The following SORL1 variants were observed in gnomAD, a reference collection of about 807,000 sequenced individuals.
SORL1 encodes sortilin related receptor 1.
SORL1 carries 127 observed loss-of-function variants against 273.7 expected under a neutral mutation model. That is an observed-to-expected ratio of 0.46 (90% CI 0.40 to 0.54). The LOEUF (loss-of-function observed/expected upper bound fraction) is 0.54. Among genes scored for constraint, SORL1 ranks in the 20% least tolerant of loss-of-function variants. The pLI is 0.00. For missense variants in SORL1, 2,494 were observed against 2,846.1 expected, an observed-to-expected ratio of 0.88 and a Z score of 2.81; for synonymous variants, 1,031 against 1,067.4, an observed-to-expected ratio of 0.97 and a Z score of 0.66.
intron 21 of SORL1, 96 bp from the exon 22 acceptor site, chr11:121,566,844 G>A (rs1317992108): frequency 1.5e-4 from 185 of 1,200,206 alleles, no homozygotes; most frequent in Non-Finnish European, 1.9e-4. Flanking sequence ...TGTCCTTTCC[G>A]TAAGACGAGG....
rs777960861 is a variant in SORL1, at chr11:121,612,831, A to G, written c.5418A>G (p.Lys1806=). The G allele has an allele frequency of 6.2e-7, 1 of 1,609,002 alleles. No homozygotes were observed. Among genetic ancestry groups the G allele is most frequent in the East Asian group, 2.2e-5 (1 of 44,866 alleles). ...LNFRGSILSH[K]VGNLTAHTSY... ...TCCGAGGAAGCATATTGTCACACAA[A>G]GGTAACACTTTGGTGCTGGTCAGTG... The change falls in exon 40 of 48, where the codon AAA becomes AAG. Residue 1806 remains lysine, a splice_region_variant and synonymous_variant. Transcript: ENST00000260197.
intron 13 of SORL1, among the ~76,000 whole-genome samples, chr11:121,544,130 G>A (rs1862388683): frequency 6.6e-6 from 1 of 152,112 alleles, no homozygotes; most frequent in South Asian, 2.1e-4. Flanking sequence ...GGATCTAGTT[G>A]TGATCTGCTA....
intron 20 of SORL1, among the ~76,000 whole-genome samples, 178 bp downstream of exon 20, chr11:121,559,015 A>G (rs921774600): frequency 6.6e-6 from 1 of 152,228 alleles, no homozygotes; most frequent in Admixed American, 6.5e-5. Flanking sequence ...AGAGGCGCCA[A>G]GGGTCCAGGC....
chr11:121,545,399 A>C lies in SORL1; in HGVS notation c.2021A>C (p.Asn674Thr). 1 of 1,614,030 alleles carries C rather than the reference A, an allele frequency of 6.2e-7. No homozygotes were observed. Among genetic ancestry groups the C allele is most frequent in the Non-Finnish European group, 8.5e-7 (1 of 1,179,998 alleles). Residue 674 changes from asparagine to threonine, a missense_variant, in exon 14 of 48, where the codon AAC becomes ACC. By Grantham distance (65) the Asn-to-Thr change is moderately conservative. Around this residue, in one of 3 missense-constraint regions of SORL1, gnomAD observed 710 missense variants for 882.5 expected, o/e 0.80. Transcript: ENST00000260197. ...TTTGACAGGCCGGTGGTCGTGTCCAACTGCTCCTGCACCCGGGAGGACTAT... is the reference window on the plus strand; with the variant it reads ...TTTGACAGGCCGGTGGTCGTGTCCACCTGCTCCTGCACCCGGGAGGACTAT... The part of the protein sequence containing the change: ...EDFDRPVVVS[N>T]CSCTREDYEC...
intron 42 of SORL1, 125 bp from the exon 43 acceptor site, chr11:121,619,628 A>G (rs1863692443): frequency 1.2e-6 from 1 of 811,034 alleles, no homozygotes; most frequent in Non-Finnish European, 1.9e-6. Flanking sequence ...ATTATTTTAT[A>G]TTTTATGGTT....
chr11:121,619,762 G>C lies in SORL1; in HGVS notation c.5734G>C (p.Val1912Leu). 12 of 1,614,070 alleles carry C rather than the reference G, an allele frequency of 7.4e-6. No homozygotes were observed. The highest frequency in any genetic ancestry group is 1.1e-5 in the South Asian group (1 of 91,084). Residue 1912 changes from valine (V) to leucine (L), a missense_variant, in exon 43 of 48, where the codon GTG becomes CTG. Physicochemically the swap from Val to Leu is conservative, Grantham distance 32. Transcript: ENST00000260197. ...TGTGCTTGGGCTTCAGGTCCGTGTAGTGGTACCCTACCAGGGGCCATCCTC... is the reference window on the plus strand; with the variant it reads ...TGTGCTTGGGCTTCAGGTCCGTGTACTGGTACCCTACCAGGGGCCATCCTC... ...DEQYLFLVRV[V>L]VPYQGPSSDY... is the part of the protein sequence containing the mutation.
At position 121,496,969 on chromosome 11, in the gene SORL1, C is replaced by T. The variant is rs767203396; in HGVS notation, c.859C>T (p.Arg287Trp). 24 of 1,613,930 alleles carry T rather than the reference C, an allele frequency of 1.5e-5. No individual in the cohort carries two copies. The highest frequency in any genetic ancestry group is 4.0e-5 in the African/African-American group (3 of 74,890). Residue 287 changes from arginine to tryptophan, a missense_variant, in exon 6 of 48, where the codon CGG (arginine) becomes TGG (tryptophan). Physicochemically the swap from Arg to Trp is moderately radical, Grantham distance 101. Around this residue, in one of 3 missense-constraint regions of SORL1, gnomAD observed 710 missense variants for 882.5 expected, o/e 0.80. Coordinates refer to ENST00000260197, the MANE Select transcript of SORL1 (RefSeq NM_003105.6). ...CCGAAGTACAGATTTCTTCCAGTCC[C>T]GGGAAAACCAGGAAGTGATCCTTGA... The part of the protein sequence containing the change: ...VFRSTDFFQS[R>W]ENQEVILEEV...
chr11:121,486,645 A>C (rs889459900), intron 3 of SORL1, among the ~76,000 whole-genome samples: 1 of 151,690 alleles, frequency 6.6e-6, no homozygotes, highest in African/African-American at 2.4e-5. Context: ...ATGCCCGGCT[A>C]ATTTTTCGTA....
intron 26 of SORL1, among the ~76,000 whole-genome samples, chr11:121,584,039 G>T (rs1863055364): frequency 6.6e-6 from 1 of 152,182 alleles, no homozygotes; most frequent in East Asian, 1.9e-4. Context: ...CCATAACCTA[G>T]TTTACATGGT....
In SORL1 at chr11:121,591,217, G is replaced by C. The variant is rs1302569171; in HGVS notation, c.4369+61G>C. The C allele has an allele frequency of 1.9e-6, 3 of 1,575,694 alleles. No homozygotes were observed. The African/African-American group carries it at 4.0e-5, about 21-fold the overall frequency. On this transcript the variant is annotated intron_variant, in intron 31 of 47. Transcript: ENST00000260197. ...GCTATTGTGGAGAGGACCTTCTGGG[G>C]GTGTGCTCTGGGCACAATCCAACCG... is the stretch of plus-strand genomic sequence containing the variant.
At chr11:121,608,516 G>A (rs1369149334) in intron 38 of SORL1, 2 of 251,500 alleles carry the variant, frequency 8.0e-6, no homozygotes, top group Non-Finnish European at 1.5e-5. Context: ...ATGATTTTGT[G>A]CATGTTCACT....
intron 14 of SORL1, among the ~76,000 whole-genome samples, chr11:121,549,680 C>G (rs1240583201): frequency 1.4e-5 from 2 of 141,068 alleles, no homozygotes; most frequent in Non-Finnish European, 3.1e-5. Flanking sequence ...AAATTGGGAA[C>G]TGGATCTGGC....
intron 37 of SORL1, 121 bp downstream of exon 37, chr11:121,607,411 C>G (rs1170040723): frequency 1.9e-6 from 1 of 538,818 alleles, no homozygotes; most frequent in Admixed American, 2.7e-5. Context: ...TGCAAAATAC[C>G]CAACTTCTTG....
In SORL1 at chr11:121,488,048, C is replaced by A. The variant is rs1328869949; in HGVS notation, c.545C>A (p.Ala182Asp). ...ADNKRYIFAD[A>D]YAQYLWITFD... Reference sequence around the variant, plus strand: ...CCCTTGCAGTACATCTTTGCAGACGCTTATGCCCAGTACCTCTGGATCACG... The same window carrying A: ...CCCTTGCAGTACATCTTTGCAGACGATTATGCCCAGTACCTCTGGATCACG... Residue 182 changes from alanine (A) to aspartate (D), a missense_variant, in exon 4 of 48, where the codon GCT becomes GAT. Coordinates refer to ENST00000260197, the MANE Select transcript of SORL1 (RefSeq NM_003105.6). The A allele has an allele frequency of 1.2e-6, 2 of 1,614,052 alleles. No homozygotes were observed. Among genetic ancestry groups the A allele is most frequent in the African/African-American group, 2.7e-5 (2 of 74,936 alleles).
At chr11:121,540,657 A>AT (rs1295119863) in intron 12 of SORL1, among the ~76,000 whole-genome samples, 3 of 152,154 alleles carry the variant, frequency 2.0e-5, no homozygotes, top group Admixed American at 6.5e-5. Context: ...GTTGCTGTTG[A>AT]TAAGACAAGA....
chr11:121,602,358 G>A (rs1565350959), intron 32 of SORL1, among the ~76,000 whole-genome samples: 1 of 152,120 alleles, frequency 6.6e-6, no homozygotes, highest in Non-Finnish European at 1.5e-5. Flanking sequence ...ACTGAAGTCT[G>A]TACCTCCATC....
intron 24 of SORL1, among the ~76,000 whole-genome samples, chr11:121,575,221 C>T (rs973662560): frequency 1.3e-5 from 2 of 152,198 alleles, no homozygotes; most frequent in African/African-American, 4.8e-5. Flanking sequence ...ATCCATGTCT[C>T]CCATTTTCTA....
At position 121,591,012 on chromosome 11, in the gene SORL1, C is replaced by G; in HGVS notation, c.4225C>G (p.Leu1409Val). The G allele has an allele frequency of 1.9e-6, 3 of 1,614,236 alleles. No individual in the cohort carries two copies. Among genetic ancestry groups the G allele is most frequent in the Non-Finnish European group, 2.5e-6 (3 of 1,180,040 alleles). The change falls in exon 31 of 48, where the codon CTT (leucine) becomes GTT (valine). Residue 1409 changes from leucine to valine, a missense_variant. By Grantham distance (32) the Leu-to-Val change is conservative. This residue lies in a region of SORL1 where 1,609 missense variants were observed against 1,816.4 expected (regional missense o/e 0.89). Transcript: ENST00000260197. ...DEKDCGDSHI[L>V]PFSTPGPSTC... ...GGTGTTTTTCTCAGATTCACATATTCTTCCCTTCTCGACTCCTGGGCCCTC... is the reference window on the plus strand; with the variant it reads ...GGTGTTTTTCTCAGATTCACATATTGTTCCCTTCTCGACTCCTGGGCCCTC...
intron 18 of SORL1, among the ~76,000 whole-genome samples, chr11:121,556,127 G>C (rs973020810): frequency 7.2e-5 from 11 of 152,206 alleles, no homozygotes; most frequent in Admixed American, 7.2e-4. Context: ...GTTAGATGGA[G>C]ATTCATATAT....
Sources: allele counts gnomAD v4.1 joint callset (sites outside exome capture counted in the v4.1 genomes callset), GRCh38; gene constraint gnomAD v4.1.1; regional missense constraint gnomAD v4.1.1; transcripts MANE v1.5; gene names NCBI Gene and HGNC (gene_info 2026-07-23, HGNC 2026-07-21).